PLEKHA2: variants seen among roughly 807,000 people sequenced by gnomAD.
PLEKHA2 encodes the protein pleckstrin homology domain-containing family A member 2.
PLEKHA2 carries 28 observed loss-of-function variants against 53.2 expected under a neutral mutation model. That is an observed-to-expected ratio of 0.53 (90% CI 0.39 to 0.72). The LOEUF (loss-of-function observed/expected upper bound fraction) is 0.72, where lower values mean the gene tolerates loss of function less well. PLEKHA2 is among the 30% of genes least tolerant of loss of function. The pLI is 0.00. For missense variants in PLEKHA2, 426 were observed against 537.9 expected (o/e 0.79, Z 2.06); for synonymous variants, 193 against 196.4 (o/e 0.98, Z 0.14).
At position 38,953,358 on chromosome 8, in the gene PLEKHA2, T is replaced by A; in HGVS notation, c.764T>A (p.Val255Asp). The change falls in exon 9 of 12, where the codon GTC becomes GAC. Residue 255 changes from valine (V) to aspartate (D), a missense_variant. Transcript: ENST00000617275. ...KDVLKTHECL[V>D]KSGDLLMRDN... The stretch of plus-strand genomic sequence containing the variant: ...GTTCTGAAGACCCATGAATGTCTGG[T>A]CAAGTCTGGGTAATTGTGTCTGCTT... 1 of 1,611,376 alleles carries A rather than the reference T, an allele frequency of 6.2e-7. No individual in the cohort carries two copies. Among genetic ancestry groups the A allele is most frequent in the Non-Finnish European group, 8.5e-7 (1 of 1,177,506 alleles).
intron 2 of PLEKHA2, among the ~76,000 whole-genome samples, chr8:38,927,713 A>G (rs1478987363): frequency 6.6e-6 from 1 of 152,168 alleles, no homozygotes; most frequent in African/African-American, 2.4e-5. Context: ...CATCCACAGT[A>G]TATGGTAATG....
At chr8:38,961,410 A>C (rs1308907715) in intron 10 of PLEKHA2, among the ~76,000 whole-genome samples, 1 of 151,926 alleles carries the variant, frequency 6.6e-6, no homozygotes, top group Non-Finnish European at 1.5e-5. Flanking sequence ...GGTGGTGCGC[A>C]CCTGTAATCC....
At chr8:38,945,309 G>C (rs1431246855) in intron 4 of PLEKHA2, among the ~76,000 whole-genome samples, 1 of 152,136 alleles carries the variant, frequency 6.6e-6, no homozygotes, top group Non-Finnish European at 1.5e-5. Flanking sequence ...ATGTTTCCTA[G>C]CGCATAGTAG....
chr8:38,965,067 A>G (rs1835111040), intron 10 of PLEKHA2, among the ~76,000 whole-genome samples: 1 of 151,910 alleles, frequency 6.6e-6, no homozygotes, highest in African/African-American at 2.4e-5. Context: ...ATTGTCTTTA[A>G]TGAGCCCTTA....
chr8:38,917,176 G>C (rs1027939059), intron 1 of PLEKHA2, among the ~76,000 whole-genome samples: 3 of 152,028 alleles, frequency 2.0e-5, no homozygotes, highest in Admixed American at 6.6e-5. Flanking sequence ...CTGGTTATTA[G>C]TCCCTTGTCA....
chr8:38,930,335 G>T (rs1421302162), intron 2 of PLEKHA2, among the ~76,000 whole-genome samples: 3 of 152,138 alleles, frequency 2.0e-5, no homozygotes, highest in African/African-American at 7.2e-5. Context: ...CCAAGTAGCT[G>T]GGATTACAGG....
chr8:38,969,802 G>T lies in PLEKHA2; in HGVS notation c.*19G>T. 1 of 1,304,182 alleles carries T rather than the reference G, an allele frequency of 7.7e-7. No homozygotes were observed. The highest frequency in any genetic ancestry group is 1.1e-6 in the Non-Finnish European group (1 of 942,328). 80.8% of individuals were successfully genotyped at this position (1,304,182 alleles called of 1,614,324 possible). On this transcript the variant is annotated 3_prime_UTR_variant, in exon 12 of 12. Transcript: ENST00000617275. The stretch of plus-strand genomic sequence containing the variant: ...TGTGTGATGGAGCACAGTGCCATGG[G>T]AGGGAGGGAGGGAGGGAGGACTTGA...
chr8:38,955,960 G>A (rs1396421851), intron 9 of PLEKHA2, among the ~76,000 whole-genome samples: 1 of 152,072 alleles, frequency 6.6e-6, no homozygotes, highest in Admixed American at 6.6e-5. Context: ...ATAGATGTGT[G>A]CCACCACACC....
In PLEKHA2 at chr8:38,917,955, G is replaced by A. The variant is rs1347466319; in HGVS notation, c.26G>A (p.Arg9Gln). MPYVDRQNRICGFLDIEEH... is the reference protein window; with the variant it reads MPYVDRQNQICGFLDIEEH... ...ATGCCTTATGTGGATCGGCAGAACCGAATCTGTGGGTTTCTGGACATCGAG... is the reference window on the plus strand; with the variant it reads ...ATGCCTTATGTGGATCGGCAGAACCAAATCTGTGGGTTTCTGGACATCGAG... The change falls in exon 2 of 12, where the codon CGA becomes CAA. Residue 9 changes from arginine (R) to glutamine (Q), a missense_variant. By Grantham distance (43) the Arg-to-Gln change is conservative. Transcript: ENST00000617275. 4.3e-6 allele frequency: 7 copies of A among 1,613,532 alleles called. No homozygotes were observed. The highest frequency in any genetic ancestry group is 4.5e-5 in the East Asian group (2 of 44,900).
At chr8:38,920,295 C>T (rs969921803) in intron 2 of PLEKHA2, among the ~76,000 whole-genome samples, 3 of 152,076 alleles carry the variant, frequency 2.0e-5, no homozygotes, top group Admixed American at 6.6e-5. Flanking sequence ...GGACTACAGG[C>T]ACCCGCCACC....
At chr8:38,946,023 C>T (rs1392173215) in intron 4 of PLEKHA2, 101 bp from the exon 5 acceptor site, 2 of 882,292 alleles carry the variant, frequency 2.3e-6, no homozygotes, top group Admixed American at 4.4e-5. Context: ...GTGGAGTTCA[C>T]TCATCTCACT....
At position 38,947,323 on chromosome 8, in the gene PLEKHA2, G is replaced by A. The variant is rs1174810064; in HGVS notation, c.345+1102G>A. Among the ~76,000 whole-genome samples, 3 of 152,124 alleles carry A rather than the reference G, an allele frequency of 2.0e-5. No homozygotes were observed. In the East Asian group the frequency reaches 5.8e-4, roughly 29 times the overall value. ...AAATTAGCTGGGCGTGGTGGCACAC[G>A]CCTGTAGTCCCAGCTACTCAGGAGG... is the stretch of plus-strand genomic sequence containing the variant. On this transcript the variant is annotated intron_variant, in intron 5 of 11. Transcript: ENST00000617275.
chr8:38,949,920 T>C (rs966704293), intron 5 of PLEKHA2, among the ~76,000 whole-genome samples: 10 of 152,370 alleles, frequency 6.6e-5, no homozygotes, highest in African/African-American at 2.4e-4. Context: ...CCACACATCT[T>C]CTGGCTCCAG....
chr8:38,955,256 T>C (rs1221506428), intron 9 of PLEKHA2, among the ~76,000 whole-genome samples: 1 of 152,144 alleles, frequency 6.6e-6, no homozygotes, highest in Non-Finnish European at 1.5e-5. Flanking sequence ...GAGTGGGGAT[T>C]TCCCACCTGC....
At chr8:38,911,335 C>G (rs773499167) in intron 1 of PLEKHA2, among the ~76,000 whole-genome samples, 2 of 151,964 alleles carry the variant, frequency 1.3e-5, no homozygotes, top group Admixed American at 1.3e-4. Context: ...CTCCCAGGTT[C>G]AAGCAATTCT....
chr8:38,947,411 T>C (rs1385284190), intron 5 of PLEKHA2, among the ~76,000 whole-genome samples: 9 of 151,770 alleles, frequency 5.9e-5, no homozygotes, highest in South Asian at 4.2e-4. Context: ...GATCGTGCCA[T>C]TGCATTCCAG....
chr8:38,951,008 G>C lies in PLEKHA2; in HGVS notation c.486+18G>C, dbSNP rs756189937. The C allele has an allele frequency of 3.7e-6, 6 of 1,610,706 alleles. No individual in the cohort carries two copies. Among genetic ancestry groups the C allele is most frequent in the Non-Finnish European group, 4.2e-6 (5 of 1,178,296 alleles). ...TCAGCCAGGTGAGGGGCCTGACTGG[G>C]GCTGCGGGGGGAGTGGGGGTGTGGA... On this transcript the variant is annotated intron_variant, in intron 6 of 11. Transcript: ENST00000617275.
In PLEKHA2 at chr8:38,950,810, T is replaced by A. The variant is rs1352983197; in HGVS notation, c.346-40T>A. On this transcript the variant is annotated intron_variant, in intron 5 of 11. Transcript: ENST00000617275. ...TTTTGGGCTCCCCATGTTTCCTAAA[T>A]GTTCTGTTCCCCATTGATTGTTGCT... 5 of 1,587,920 alleles carry A rather than the reference T, an allele frequency of 3.1e-6. No individual in the cohort carries two copies. In the African/African-American group the frequency reaches 4.0e-5, roughly 13 times the overall value.
rs573945914 is a variant in PLEKHA2, at chr8:38,973,869, G to C, written c.*4086G>C. ...TATGTAGCAAAAATTTTCTAAAACT[G>C]TTTTGTGGCTTGTTTTGTAATAAAA... On this transcript the variant is annotated 3_prime_UTR_variant, in exon 12 of 12. Transcript: ENST00000617275. 4.0e-6 allele frequency: 1 copy of C among 250,010 alleles called. No individual in the cohort carries two copies. Among genetic ancestry groups the C allele is most frequent in the East Asian group, 1.3e-4 (1 of 7,504 alleles). The allele number at this position is 250,010 out of a possible 1,614,324, so 15.5% of individuals were successfully genotyped here.
Sources: allele counts gnomAD v4.1 joint callset (sites outside exome capture counted in the v4.1 genomes callset), GRCh38; gene constraint gnomAD v4.1.1; transcripts MANE v1.5; gene names NCBI Gene and HGNC (gene_info 2026-07-23, HGNC 2026-07-21).